The following NFE2L2 variants were observed in gnomAD, a reference collection of about 807,000 sequenced individuals.
NFE2L2 encodes the protein nuclear factor erythroid 2-related factor 2.
In NFE2L2, 20 loss-of-function variants were observed where a neutral mutation model predicts 49.6. That is an observed-to-expected ratio of 0.40 (90% CI 0.28 to 0.59). The LOEUF (loss-of-function observed/expected upper bound fraction) is 0.59, where lower values mean the gene tolerates loss of function less well. Ranked by LOEUF, NFE2L2 falls within the 20% of genes least tolerant of loss-of-function variation. The pLI, the probability that NFE2L2 is intolerant of heterozygous loss-of-function variation, is 0.40. For missense variants in NFE2L2, 578 were observed against 714.2 expected (o/e 0.81, Z 2.17); for synonymous variants, 244 against 256.5 (o/e 0.95, Z 0.47).
chr2:177,256,426 C>T (rs1690525854), intron 1 of NFE2L2, among the ~76,000 whole-genome samples: 1 of 148,134 alleles, frequency 6.8e-6, no homozygotes. Flanking sequence ...CAATATTGTC[C>T]TCATATTAAG....
rs376163559 is a variant in NFE2L2 at position 177,234,024 on chromosome 2, C to A, written c.293G>T (p.Gly98Val). Residue 98 changes from glycine (G) to valine (V), a missense_variant, in exon 2 of 5, where the codon GGA (glycine) becomes GTA (valine). Coordinates refer to ENST00000397062, the MANE Select transcript of NFE2L2 (RefSeq NM_006164.5). Reference sequence around the variant, plus strand: ...CTGTACCTGGGAGTAGTTGGCAGATCCACTGGTTTCTGACTGGATGTGCTG... The same window carrying A: ...CTGTACCTGGGAGTAGTTGGCAGATACACTGGTTTCTGACTGGATGTGCTG... Reference protein sequence around the residue: ...PAQHIQSETSGSANYSQVAHI... With the variant: ...PAQHIQSETSVSANYSQVAHI... The A allele has an allele frequency of 8.0e-5, 129 of 1,614,080 alleles. No homozygotes were observed. Among genetic ancestry groups the A allele is most frequent in the Non-Finnish European group, 1.1e-4 (129 of 1,180,044 alleles).
intron 1 of NFE2L2, among the ~76,000 whole-genome samples, chr2:177,236,778 T>G (rs1689765407): frequency 6.6e-6 from 1 of 152,244 alleles, no homozygotes; most frequent in African/African-American, 2.4e-5. Context: ...AAAGTGTAAA[T>G]GCTGTGTAAA....
chr2:177,240,600 G>A (rs1039029309), intron 1 of NFE2L2, among the ~76,000 whole-genome samples: 5 of 152,092 alleles, frequency 3.3e-5, no homozygotes, highest in Non-Finnish European at 5.9e-5. Context: ...TCACCATCTG[G>A]CCTAACAGAA....
chr2:177,264,486 C>CCCCCGT (rs1482897378), intron 1 of NFE2L2, 46 bp downstream of exon 1: 1 of 1,511,382 alleles, frequency 6.6e-7, no homozygotes, highest in Admixed American at 2.1e-5. Context: ...AGCTCCCCCG[C>CCCCCGT]CCCCGTCCCG....
At chr2:177,260,218 A>T (rs1389697902) in intron 1 of NFE2L2, among the ~76,000 whole-genome samples, 5 of 152,238 alleles carry the variant, frequency 3.3e-5, no homozygotes, top group Admixed American at 1.3e-4. Context: ...TCAGAGATGA[A>T]GACAAGCAGG....
At chr2:177,252,302 C>A (rs1167723294) in intron 1 of NFE2L2, among the ~76,000 whole-genome samples, 2 of 152,182 alleles carry the variant, frequency 1.3e-5, no homozygotes, top group African/African-American at 4.8e-5. Flanking sequence ...TTTGTCAGAG[C>A]ACTTTGTACC....
intron 1 of NFE2L2, among the ~76,000 whole-genome samples, chr2:177,255,745 G>C (rs1447453912): frequency 6.6e-6 from 1 of 151,846 alleles, no homozygotes; most frequent in Non-Finnish European, 1.5e-5. Context: ...ATTTTTTGAG[G>C]AGACAGTGTC....
chr2:177,240,855 A>G (rs1239468184), intron 1 of NFE2L2, among the ~76,000 whole-genome samples: 1 of 152,230 alleles, frequency 6.6e-6, no homozygotes, highest in Non-Finnish European at 1.5e-5. Flanking sequence ...ATATTGGAAA[A>G]GATAAAGCAA....
At chr2:177,257,062 A>G (rs1191318043) in intron 1 of NFE2L2, among the ~76,000 whole-genome samples, 3 of 152,292 alleles carry the variant, frequency 2.0e-5, no homozygotes, top group African/African-American at 7.2e-5. Flanking sequence ...TCAGGTAAAT[A>G]TAAGTGGGAG....
chr2:177,231,609 G>A lies in NFE2L2; in HGVS notation c.994C>T (p.His332Tyr), dbSNP rs767058759. The A allele has an allele frequency of 1.4e-5, 22 of 1,614,046 alleles. No homozygotes were observed. The highest frequency in any genetic ancestry group is 3.3e-4 in the Middle Eastern group (2 of 6,084). Reference protein sequence around the residue: ...LSLCKAFNQNHPESTAEFNDS... With the variant: ...LSLCKAFNQNYPESTAEFNDS... ...TTGAATTCTGCTGTGCTTTCAGGGTGGTTTTGGTTGAAAGCTTTGCAAAGT... is the reference window on the plus strand; with the variant it reads ...TTGAATTCTGCTGTGCTTTCAGGGTAGTTTTGGTTGAAAGCTTTGCAAAGT... Residue 332 changes from histidine to tyrosine, a missense_variant, in exon 5 of 5, where the codon CAC becomes TAC. Coordinates refer to ENST00000397062, the MANE Select transcript of NFE2L2 (RefSeq NM_006164.5).
chr2:177,232,245 C>G, intron 4 of NFE2L2, 147 bp downstream of exon 4: 1 of 942,906 alleles, frequency 1.1e-6, no homozygotes, highest in Non-Finnish European at 1.5e-6. Flanking sequence ...AGATGTCCAA[C>G]CAATTTAACT....
At chr2:177,239,719 TCAAAA>T (rs762793207) in intron 1 of NFE2L2, among the ~76,000 whole-genome samples, 22 of 152,004 alleles carry the variant, frequency 1.4e-4, no homozygotes, top group Non-Finnish European at 2.5e-4. Flanking sequence ...ATGAGAGGTC[TCAAAA>T]CAAAACAAAA....
intron 1 of NFE2L2, among the ~76,000 whole-genome samples, chr2:177,261,322 G>A (rs1385279651): frequency 6.6e-6 from 1 of 152,080 alleles, no homozygotes; most frequent in Non-Finnish European, 1.5e-5. Context: ...ACCTCCCCAC[G>A]TCACATACAG....
intron 1 of NFE2L2, among the ~76,000 whole-genome samples, chr2:177,255,460 T>C (rs180825596): frequency 2.6e-5 from 4 of 152,334 alleles, no homozygotes; most frequent in East Asian, 1.9e-4. Flanking sequence ...GGTTCTGGTC[T>C]CTGCTTGGGA....
At chr2:177,232,718 T>G in intron 3 of NFE2L2, 135 bp from the exon 4 acceptor site, 1 of 790,548 alleles carries the variant, frequency 1.3e-6, no homozygotes, top group South Asian at 2.1e-5. Context: ...CATGACCCCG[T>G]TTGTAAATAA....
intron 1 of NFE2L2, among the ~76,000 whole-genome samples, chr2:177,242,966 C>CATAA (rs907922414): frequency 4.0e-4 from 60 of 151,156 alleles, no homozygotes; most frequent in African/African-American, 1.3e-3. Context: ...CTTCAAAGGA[C>CATAA]TTATGTAAGG....
intron 1 of NFE2L2, among the ~76,000 whole-genome samples, chr2:177,263,026 A>C (rs1690795869): frequency 6.6e-6 from 1 of 152,252 alleles, no homozygotes; most frequent in South Asian, 2.1e-4. Flanking sequence ...ATTAACCGAA[A>C]ACTTTACATT....
chr2:177,241,716 A>G (rs1376939124), intron 1 of NFE2L2, among the ~76,000 whole-genome samples: 1 of 152,166 alleles, frequency 6.6e-6, no homozygotes, highest in South Asian at 2.1e-4. Context: ...TTAGCCAGAC[A>G]TGGTGAGACA....
chr2:177,233,359 CA>C lies in NFE2L2; in HGVS notation c.313-21del, dbSNP rs139080704. Reference sequence around the variant, plus strand: ...GGCAACCTGATAAAAGGGAATGACACAAAGGAAAACAAAAATGGTTAAATAT... The same window carrying C: ...GGCAACCTGATAAAAGGGAATGACACAAGGAAAACAAAAATGGTTAAATAT... On this transcript the variant is annotated intron_variant, in intron 2 of 4. Transcript: ENST00000397062. The C allele has an allele frequency of 0.12, 194,476 of 1,580,424 alleles. 13,583 individuals are homozygous for C. The highest frequency in any genetic ancestry group is 0.14 in the Non-Finnish European group (166,076 of 1,157,460).
Sources: gnomAD v4.1 joint callset for allele counts (sites outside exome capture counted in the v4.1 genomes callset) on GRCh38, gnomAD v4.1.1 for gene constraint, MANE v1.5 for transcripts, NCBI Gene and HGNC (gene_info 2026-07-23, HGNC 2026-07-21) for gene names.